Variants in ZFPM1 observed in about 807,000 individuals in gnomAD.
ZFPM1 encodes the protein zinc finger protein ZFPM1.
Under a neutral mutation model 46.3 loss-of-function variants are expected in ZFPM1, and 28 were observed. The observed-to-expected ratio is 0.60, with a 90% CI of 0.45 to 0.83. The LOEUF is 0.83. ZFPM1 is among the 40% of genes least tolerant of loss of function. The pLI is 0.00. For synonymous variants in ZFPM1, 957 were observed against 675.9 expected, an observed-to-expected ratio of 1.42 and a Z score of -6.45; for missense variants, 1,878 against 1,432.4, an observed-to-expected ratio of 1.31 and a Z score of -5.02.
At chr16:88,475,652 G>A (rs1245917416) in intron 1 of ZFPM1, among the ~76,000 whole-genome samples, 1 of 152,164 alleles carries the variant, frequency 6.6e-6, no homozygotes, top group Admixed American at 6.5e-5. Flanking sequence ...CGGGAAAAGG[G>A]TGCAGGCAGG....
In ZFPM1 at chr16:88,502,023, AG is replaced by A. The variant is rs139861170; in HGVS notation, c.269-12363del. 8.5e-3 allele frequency among the ~76,000 whole-genome samples: 1,293 copies of A among 151,334 alleles called. 15 individuals carry two copies. Among genetic ancestry groups the A allele is most frequent in the African/African-American group, 0.03 (1,249 of 41,140 alleles). The stretch of plus-strand genomic sequence containing the variant: ...CCCCAACCCATGGTTTAACACTCCT[AG>A]TAGCTCCTCCACCCCCGACGCGGCT... On this transcript the variant is annotated intron_variant, in intron 3 of 9. Transcript: ENST00000319555.
Position 88,471,134 on chromosome 16 carries a change from T to A in ZFPM1, c.41-14805T>A, listed in dbSNP as rs913436634. 1.3e-5 allele frequency among the ~76,000 whole-genome samples: 2 copies of A among 152,198 alleles called. No homozygotes were observed. Among genetic ancestry groups the A allele is most frequent in the Non-Finnish European group, 2.9e-5 (2 of 68,020 alleles). ...CGGGAGGAGGAAAGCCCAGCTCCCCTGCAGCCATGATAGATAGACCAGACT... is the reference window on the plus strand; with the variant it reads ...CGGGAGGAGGAAAGCCCAGCTCCCCAGCAGCCATGATAGATAGACCAGACT... On this transcript the variant is annotated intron_variant, in intron 1 of 9. Coordinates refer to ENST00000319555, the MANE Select transcript of ZFPM1 (RefSeq NM_153813.3). The surrounding 1 kb of genome is among the most constrained non-coding windows in gnomAD (Gnocchi z 4.1).
chr16:88,511,125 G>C (rs1472499384), intron 3 of ZFPM1, among the ~76,000 whole-genome samples: 2 of 152,304 alleles, frequency 1.3e-5, no homozygotes, highest in East Asian at 3.9e-4. Context: ...TGGCAGGGAA[G>C]GACACCACCC....
chr16:88,464,779 T>G (rs755416994), intron 1 of ZFPM1, among the ~76,000 whole-genome samples: 1 of 152,054 alleles, frequency 6.6e-6, no homozygotes, highest in South Asian at 2.1e-4. Context: ...ACTGGGAAAG[T>G]TGAACTGGCC....
rs1913042365 is a variant in ZFPM1, at chr16:88,534,016, G to A, written c.2058G>A (p.Glu686=). 5.1e-6 allele frequency: 7 copies of A among 1,380,446 alleles called. No individual in the cohort carries two copies. The Admixed American group carries it at 6.4e-5, about 13-fold the overall frequency. The allele number at this position is 1,380,446 out of a possible 1,614,324, so 85.5% of individuals were successfully genotyped here. The change falls in exon 10 of 10, where the codon GAG becomes GAA. Residue 686 remains glutamate, a synonymous_variant. Coordinates refer to ENST00000319555, the MANE Select transcript of ZFPM1 (RefSeq NM_153813.3). ...AEDDPSRTLC[E]ACNIRFSRHE... is the part of the protein sequence containing the mutation. Reference sequence around the variant, plus strand: ...ACGACCCCAGCCGCACGCTGTGCGAGGCCTGCAACATCCGCTTCAGCCGCC... The same window carrying A: ...ACGACCCCAGCCGCACGCTGTGCGAAGCCTGCAACATCCGCTTCAGCCGCC...
chr16:88,460,920 G>GGT, intron 1 of ZFPM1, among the ~76,000 whole-genome samples: 1 of 49,046 alleles, frequency 2.0e-5, no homozygotes, highest in African/African-American at 9.6e-5. Flanking sequence ...AGGACCGAGG[G>GGT]GCGGGGCGGG....
At chr16:88,532,355 T>A in intron 7 of ZFPM1, 120 bp downstream of exon 7, 2 of 1,085,056 alleles carry the variant, frequency 1.8e-6, no homozygotes, top group Non-Finnish European at 2.6e-6. Flanking sequence ...ACCTGCGCGG[T>A]CTCCGGCACA....
intron 3 of ZFPM1, among the ~76,000 whole-genome samples, chr16:88,512,517 G>C (rs376885332): frequency 1.3e-5 from 2 of 152,134 alleles, no homozygotes; most frequent in African/African-American, 4.8e-5. Flanking sequence ...GGGGCTTCTC[G>C]GACAAGGGGT....
intron 2 of ZFPM1, among the ~76,000 whole-genome samples, chr16:88,487,655 C>G (rs150546511): frequency 2.0e-5 from 3 of 152,154 alleles, no homozygotes; most frequent in African/African-American, 7.2e-5. Flanking sequence ...CCAGCATTTC[C>G]CAGTCTGAGT....
intron 1 of ZFPM1, among the ~76,000 whole-genome samples, chr16:88,456,253 C>CCGAGTCCT (rs1459533800): frequency 1.3e-5 from 2 of 152,244 alleles, no homozygotes; most frequent in Admixed American, 6.5e-5. Flanking sequence ...ACACCCCGCC[C>CCGAGTCCT]CGAGTCCTCG....
In ZFPM1 at chr16:88,504,915, G is replaced by A. The variant is rs1050788058; in HGVS notation, c.269-9472G>A. On this transcript the variant is annotated intron_variant, in intron 3 of 9. Coordinates refer to ENST00000319555, the MANE Select transcript of ZFPM1 (RefSeq NM_153813.3). ...GACAGGCCACTGGGCCTGCAGGTGC[G>A]AGGGCCCCCAGGTCCCTGCAGGAGA... 4.6e-5 allele frequency among the ~76,000 whole-genome samples: 7 copies of A among 152,184 alleles called. No homozygotes were observed. In the South Asian group the frequency reaches 1.2e-3, roughly 27 times the overall value.
intron 3 of ZFPM1, among the ~76,000 whole-genome samples, chr16:88,509,468 C>T (rs527409271): frequency 6.6e-6 from 1 of 152,280 alleles, no homozygotes; most frequent in African/African-American, 2.4e-5. Context: ...GGGAGGCTGG[C>T]CCCTGGAAGG....
chr16:88,533,216 C>T lies in ZFPM1; in HGVS notation c.1258C>T (p.Leu420=), dbSNP rs1912940195. ...QGPLASADLG[L]APTPSPGLDR... Reference sequence around the variant, plus strand: ...CCCCCTGGCCTCCGCGGACCTGGGCCTGGCGCCCACCCCATCGCCAGGACT... The same window carrying T: ...CCCCCTGGCCTCCGCGGACCTGGGCTTGGCGCCCACCCCATCGCCAGGACT... The change falls in exon 10 of 10, where the codon CTG becomes TTG. Residue 420 remains leucine (L), a synonymous_variant. Transcript: ENST00000319555. 1 of 1,561,448 alleles carries T rather than the reference C, an allele frequency of 6.4e-7. No homozygotes were observed. The highest frequency in any genetic ancestry group is 8.6e-7 in the Non-Finnish European group (1 of 1,161,676).
Position 88,501,048 on chromosome 16 carries a change from C to G in ZFPM1, c.268+11895C>G, listed in dbSNP as rs956448121. 5.6e-5 allele frequency among the ~76,000 whole-genome samples: 8 copies of G among 143,470 alleles called. No individual in the cohort carries two copies. The Admixed American group carries it at 5.6e-4, about 10-fold the overall frequency. The allele number at this position is 143,470 out of a possible 152,430, so 94.1% of individuals were successfully genotyped here. On this transcript the variant is annotated intron_variant, in intron 3 of 9. Coordinates refer to ENST00000319555, the MANE Select transcript of ZFPM1 (RefSeq NM_153813.3). Reference sequence around the variant, plus strand: ...GCCCAGGAGGGAAACTGAGACACCACTGCTGGTGATGGAGGTAGCGGTCAT... The same window carrying G: ...GCCCAGGAGGGAAACTGAGACACCAGTGCTGGTGATGGAGGTAGCGGTCAT...
In ZFPM1 at chr16:88,533,913, C is replaced by T; in HGVS notation, c.1955C>T (p.Ala652Val). ...GAREEGAGGA[A>V]TPEDGAGGRG... is the part of the protein sequence containing the mutation. ...CGCGAGGAGGGGGCTGGGGGCGCGG[C>T]CACGCCCGAGGACGGCGCGGGCGGC... The change falls in exon 10 of 10, where the codon GCC becomes GTC. Residue 652 changes from alanine to valine, a missense_variant. Transcript: ENST00000319555. 1.7e-6 allele frequency: 2 copies of T among 1,146,562 alleles called. No individual in the cohort carries two copies. The highest frequency in any genetic ancestry group is 2.2e-6 in the Non-Finnish European group (2 of 922,602). The allele number at this position is 1,146,562 out of a possible 1,614,324, so 71.0% of individuals were successfully genotyped here. A position where few individuals can be genotyped will look rare whatever the true frequency, so the allele number is the denominator to read the frequency against.
rs186818819 is a variant in ZFPM1 at position 88,472,015 on chromosome 16, C to T, written c.41-13924C>T. Among the ~76,000 whole-genome samples, 269 of 152,352 alleles carry T rather than the reference C, an allele frequency of 1.8e-3. 1 individual carries two copies. Among genetic ancestry groups the T allele is most frequent in the African/African-American group, 6.1e-3 (255 of 41,586 alleles). On this transcript the variant is annotated intron_variant, in intron 1 of 9. Coordinates refer to ENST00000319555, the MANE Select transcript of ZFPM1 (RefSeq NM_153813.3). ...GGTAGGAGCCCGGCAGGGCCAAACC[C>T]TGATGGGCAGCGGAAGTCTGTTGGG...
Position 88,534,626 on chromosome 16 carries a change from G to A in ZFPM1, c.2668G>A (p.Val890Ile), listed in dbSNP as rs751223544. Residue 890 changes from valine (V) to isoleucine (I), a missense_variant, in exon 10 of 10, where the codon GTC (valine) becomes ATC (isoleucine). Physicochemically the swap from Val to Ile is conservative, Grantham distance 29. Transcript: ENST00000319555. ...LLGAPLAGPG[V>I]EARTPADRGP... ...CGGCGCGCCCCTGGCCGGCCCGGGG[G>A]TCGAGGCCCGGACGCCGGCCGACCG... 4.5e-6 allele frequency: 5 copies of A among 1,103,630 alleles called. No homozygotes were observed. Among genetic ancestry groups the A allele is most frequent in the Non-Finnish European group, 5.5e-6 (5 of 907,406 alleles). 68.4% of individuals were successfully genotyped at this position (1,103,630 alleles called of 1,614,324 possible). A position where few individuals can be genotyped will look rare whatever the true frequency, so the allele number is the denominator to read the frequency against.
chr16:88,534,249 C>G lies in ZFPM1; in HGVS notation c.2291C>G (p.Pro764Arg). Residue 764 changes from proline (P) to arginine (R), a missense_variant, in exon 10 of 10, where the codon CCC becomes CGC. Coordinates refer to ENST00000319555, the MANE Select transcript of ZFPM1 (RefSeq NM_153813.3). ...APPPPPPGHA[P>R]APESPRPGSG... The stretch of plus-strand genomic sequence containing the variant: ...CCCCCCCCGCCGCCCGGCCACGCCC[C>G]CGCGCCCGAGTCGCCGCGGCCCGGA... The G allele has an allele frequency of 9.7e-7, 1 of 1,032,188 alleles. No individual in the cohort carries two copies. Among genetic ancestry groups the G allele is most frequent in the Non-Finnish European group, 1.2e-6 (1 of 864,676 alleles). The allele number at this position is 1,032,188 out of a possible 1,614,324, so 63.9% of individuals were successfully genotyped here. A position where few individuals can be genotyped will look rare whatever the true frequency, so the allele number is the denominator to read the frequency against.
At chr16:88,476,287 A>AGCCAGCCACACCCCCCTCCC (rs1567531007) in intron 1 of ZFPM1, among the ~76,000 whole-genome samples, 2 of 151,870 alleles carry the variant, frequency 1.3e-5, no homozygotes, top group Non-Finnish European at 2.9e-5. Flanking sequence ...ACCCCCCTCC[A>AGCCAGCCACACCCCCCTCCC]AGCCAGCCAC....
Sources: allele counts gnomAD v4.1 joint callset (sites outside exome capture counted in the v4.1 genomes callset), GRCh38; gene constraint gnomAD v4.1.1; non-coding constraint Gnocchi (gnomAD v3.1); transcripts MANE v1.5; gene names NCBI Gene and HGNC (gene_info 2026-07-23, HGNC 2026-07-21).